Variants in FBXL20 observed in about 807,000 individuals in gnomAD.
FBXL20 encodes F-box and leucine rich repeat protein 20.
Under a neutral mutation model 64.0 loss-of-function variants are expected in FBXL20, and 11 were observed. The observed-to-expected ratio is 0.17, with a 90% CI of 0.11 to 0.28. FBXL20 has a LOEUF of 0.28. Ranked by LOEUF, FBXL20 falls within the 10% of genes least tolerant of loss-of-function variation. The probability of loss-of-function intolerance (pLI) is 1.00; values close to 1 mark genes in which losing one functional copy is unlikely to be tolerated. For synonymous variants in FBXL20, 184 were observed against 189.0 expected (o/e 0.97, Z 0.22); for missense variants, 303 against 526.2 (o/e 0.58, Z 4.15).
intron 1 of FBXL20, among the ~76,000 whole-genome samples, chr17:39,374,848 G>A (rs561650398): frequency 2.0e-5 from 3 of 151,986 alleles, no homozygotes; most frequent in Admixed American, 2.0e-4. Flanking sequence ...GTGTAGTAGC[G>A]TGATCTCGGC....
chr17:39,318,156 T>C (rs1437400425), intron 2 of FBXL20, among the ~76,000 whole-genome samples: 1 of 152,160 alleles, frequency 6.6e-6, no homozygotes, highest in Non-Finnish European at 1.5e-5. Context: ...TGAAGTGGGG[T>C]AACAGGAGTT....
chr17:39,324,343 C>CA (rs1335306294), intron 2 of FBXL20, among the ~76,000 whole-genome samples: 1 of 147,132 alleles, frequency 6.8e-6, no homozygotes, highest in Non-Finnish European at 1.5e-5. Flanking sequence ...GGCTGGAGTG[C>CA]AGTGGCAGGA....
At chr17:39,310,900 G>A (rs1359967929) in intron 2 of FBXL20, among the ~76,000 whole-genome samples, 2 of 151,932 alleles carry the variant, frequency 1.3e-5, no homozygotes, top group Admixed American at 6.6e-5. Context: ...CAGAAGAATC[G>A]CTTGAACCCA....
At chr17:39,401,761 G>A (rs1377506032), upstream of FBXL20, 1 of 1,043,316 alleles carries the variant, frequency 9.6e-7, no homozygotes, top group Non-Finnish European at 1.2e-6. Flanking sequence ...GGCGGCGGCG[G>A]CGCGAGACCA....
intron 6 of FBXL20, among the ~76,000 whole-genome samples, chr17:39,286,457 CGCGT>C (rs1231413812): frequency 2.6e-5 from 4 of 152,080 alleles, no homozygotes; most frequent in Admixed American, 1.3e-4. Flanking sequence ...TCAAGTGTTC[CGCGT>C]GCCTCAGCCT....
In FBXL20 at chr17:39,255,859, G is replaced by C. The variant is rs1323672160; in HGVS notation, c.*5601C>G. 3 of 151,944 alleles carry C rather than the reference G, an allele frequency of 2.0e-5. No homozygotes were observed. The highest frequency in any genetic ancestry group is 2.9e-5 in the Non-Finnish European group (2 of 68,012). The allele number at this position is 151,944 out of a possible 1,614,324, so 9.4% of individuals were successfully genotyped here. A position where few individuals can be genotyped will look rare whatever the true frequency, so the allele number is the denominator to read the frequency against. On this transcript the variant is annotated 3_prime_UTR_variant, in exon 15 of 15. Transcript: ENST00000264658. The stretch of plus-strand genomic sequence containing the variant: ...AAAAAAGTTTATCCCAAGTGAGAAG[G>C]CAAGGTTAGTAACCTAGTAACCTAT...
intron 8 of FBXL20, 82 bp from the exon 9 acceptor site, chr17:39,281,545 C>T: frequency 8.4e-7 from 1 of 1,195,568 alleles, no homozygotes; most frequent in Non-Finnish European, 1.2e-6. Flanking sequence ...CACATTCATT[C>T]ATACATTCTA....
intron 1 of FBXL20, among the ~76,000 whole-genome samples, chr17:39,392,358 T>C (rs944274007): frequency 1.3e-5 from 2 of 148,314 alleles, no homozygotes; most frequent in African/African-American, 2.5e-5. Flanking sequence ...CAGAATCACC[T>C]GAACCTGGGA....
chr17:39,286,141 G>A (rs1356027734), intron 6 of FBXL20, among the ~76,000 whole-genome samples: 2 of 152,088 alleles, frequency 1.3e-5, no homozygotes, highest in African/African-American at 2.4e-5. Context: ...AACAGATCAT[G>A]GAAAACTTCA....
intron 2 of FBXL20, among the ~76,000 whole-genome samples, chr17:39,337,847 C>T (rs1187446536): frequency 4.0e-5 from 6 of 151,154 alleles, no homozygotes; most frequent in South Asian, 2.1e-4. Context: ...CCAGGCCAGC[C>T]GCCCCGTCCA....
chr17:39,354,149 C>T (rs9892055), intron 1 of FBXL20, among the ~76,000 whole-genome samples: 57,819 of 152,024 alleles, frequency 0.38, 14,122 homozygotes, highest in African/African-American at 0.7. Context: ...CAATTAAAAA[C>T]CAAAAGCATC....
chr17:39,344,050 G>C (rs945866713), intron 1 of FBXL20, among the ~76,000 whole-genome samples: 3 of 152,086 alleles, frequency 2.0e-5, no homozygotes, highest in African/African-American at 7.2e-5. Flanking sequence ...TTTTAGTAGA[G>C]GTGGAGTTTC....
At position 39,261,297 on chromosome 17, in the gene FBXL20, T is replaced by G. The variant is rs1597756038; in HGVS notation, c.*163A>C. ...AAGCTAGAGTGGATGGGGGTAAGGG[T>G]GTGTATGTGTATGTATGTGTGGCTC... On this transcript the variant is annotated 3_prime_UTR_variant, in exon 15 of 15. Coordinates refer to ENST00000264658, the MANE Select transcript of FBXL20 (RefSeq NM_032875.3). 2 of 629,424 alleles carry G rather than the reference T, an allele frequency of 3.2e-6. No individual in the cohort carries two copies. Among genetic ancestry groups the G allele is most frequent in the South Asian group, 1.7e-5 (1 of 57,614 alleles). The allele number at this position is 629,424 out of a possible 1,614,324, so 39.0% of individuals were successfully genotyped here. A position where few individuals can be genotyped will look rare whatever the true frequency, so the allele number is the denominator to read the frequency against.
Position 39,268,768 on chromosome 17 carries a change from T to C in FBXL20, c.933+59A>G, listed in dbSNP as rs1348414849. The C allele has an allele frequency of 3.5e-6, 5 of 1,419,080 alleles. No individual in the cohort carries two copies. The African/African-American group carries it at 4.2e-5, about 12-fold the overall frequency. 87.9% of individuals were successfully genotyped at this position (1,419,080 alleles called of 1,614,324 possible). A position where few individuals can be genotyped will look rare whatever the true frequency, so the allele number is the denominator to read the frequency against. ...GGGTAGGGAATTGCACATTCTGATG[T>C]TGTGTATTATCTAAGTGTCTACTAT... On this transcript the variant is annotated intron_variant, in intron 12 of 14. Coordinates refer to ENST00000264658, the MANE Select transcript of FBXL20 (RefSeq NM_032875.3).
rs1029652286 is a variant in FBXL20, at chr17:39,259,373, T to C, written c.*2087A>G. On this transcript the variant is annotated 3_prime_UTR_variant, in exon 15 of 15. Coordinates refer to ENST00000264658, the MANE Select transcript of FBXL20 (RefSeq NM_032875.3). Reference sequence around the variant, plus strand: ...GTCTGGATCATATAGAAGATTAATATTATGATGGATTGCACATTAATGTCT... The same window carrying C: ...GTCTGGATCATATAGAAGATTAATACTATGATGGATTGCACATTAATGTCT... 1.3e-5 allele frequency: 2 copies of C among 152,146 alleles called. No individual in the cohort carries two copies. The highest frequency in any genetic ancestry group is 2.9e-5 in the Non-Finnish European group (2 of 68,012). 9.4% of individuals were successfully genotyped at this position (152,146 alleles called of 1,614,324 possible). A position where few individuals can be genotyped will look rare whatever the true frequency, so the allele number is the denominator to read the frequency against.
At chr17:39,311,176 C>CA (rs1009456786) in intron 2 of FBXL20, among the ~76,000 whole-genome samples, 3 of 151,794 alleles carry the variant, frequency 2.0e-5, no homozygotes, top group African/African-American at 7.3e-5. Flanking sequence ...AAAAAACAAA[C>CA]AAAAAAACAA....
intron 2 of FBXL20, among the ~76,000 whole-genome samples, chr17:39,305,056 C>T (rs1424965553): frequency 6.6e-6 from 1 of 152,016 alleles, no homozygotes; most frequent in African/African-American, 2.4e-5. Context: ...CCACACCCAG[C>T]CCCTGCTGGG....
At chr17:39,322,143 T>C (rs900425939) in intron 2 of FBXL20, among the ~76,000 whole-genome samples, 2 of 109,868 alleles carry the variant, frequency 1.8e-5, no homozygotes, top group African/African-American at 3.7e-5. Flanking sequence ...CTGGAAAACA[T>C]AGTGAGACAC....
At chr17:39,356,567 G>A (rs1232701811) in intron 1 of FBXL20, among the ~76,000 whole-genome samples, 1 of 152,046 alleles carries the variant, frequency 6.6e-6, no homozygotes, top group Non-Finnish European at 1.5e-5. Context: ...TGTTGCCTAG[G>A]ATAGTCTTGA....
Sources: allele counts gnomAD v4.1 joint callset (sites outside exome capture counted in the v4.1 genomes callset), GRCh38; gene constraint gnomAD v4.1.1; transcripts MANE v1.5; gene names NCBI Gene and HGNC (gene_info 2026-07-23, HGNC 2026-07-21).